The following RTN1 variants were observed in gnomAD, a reference collection of about 807,000 sequenced individuals.
RTN1 encodes reticulon 1.
RTN1 carries 25 observed loss-of-function variants against 65.5 expected under a neutral mutation model. The ratio of observed to expected loss-of-function variants is 0.38; its 90% CI spans 0.28 to 0.53. The LOEUF (loss-of-function observed/expected upper bound fraction) is 0.53, where lower values mean the gene tolerates loss of function less well. RTN1 is among the 20% of genes least tolerant of loss of function. The pLI, the probability that RTN1 is intolerant of heterozygous loss-of-function variation, is 0.79. For synonymous variants in RTN1, 471 were observed against 447.6 expected, an observed-to-expected ratio of 1.05 and a Z score of -0.66; for missense variants, 983 against 1,025.4, an observed-to-expected ratio of 0.96 and a Z score of 0.57.
intron 3 of RTN1, among the ~76,000 whole-genome samples, chr14:59,632,711 C>G (rs1037458783): frequency 2.0e-5 from 3 of 152,080 alleles, no homozygotes; most frequent in Non-Finnish European, 2.9e-5. Context: ...ACACAATGTT[C>G]CCAATAAGGA....
intron 3 of RTN1, among the ~76,000 whole-genome samples, chr14:59,723,971 G>A (rs1185711964): frequency 6.6e-6 from 1 of 152,216 alleles, no homozygotes; most frequent in Non-Finnish European, 1.5e-5. Flanking sequence ...TAACTATCCT[G>A]ATTAATCACA....
chr14:59,700,293 T>C (rs1243954054), intron 3 of RTN1, among the ~76,000 whole-genome samples: 2 of 152,148 alleles, frequency 1.3e-5, no homozygotes, highest in Non-Finnish European at 2.9e-5. Context: ...ATTGTTAAGA[T>C]GGCAGTACTC....
chr14:59,675,453 G>GC (rs1883606402), intron 3 of RTN1, among the ~76,000 whole-genome samples: 1 of 144,692 alleles, frequency 6.9e-6, no homozygotes, highest in South Asian at 2.2e-4. Context: ...TTGGGGGGGG[G>GC]GCGCTATAAT....
Position 59,749,376 on chromosome 14 carries a change from A to C in RTN1, c.242-2895T>G, listed in dbSNP as rs1171458702. On this transcript the variant is annotated intron_variant, in intron 1 of 8. Coordinates refer to ENST00000267484, the MANE Select transcript of RTN1 (RefSeq NM_021136.3). ...TATATATCTATATATATATCTATAT[A>C]TCTATATCTATATATATCTATATAT... Among the ~76,000 whole-genome samples the C allele has an allele frequency of 6.7e-4, 42 of 63,036 alleles. 6 individuals are homozygous for C. Among genetic ancestry groups the C allele is most frequent in the Non-Finnish European group, 1.0e-3 (41 of 40,798 alleles). 41.4% of individuals were successfully genotyped at this position (63,036 alleles called of 152,430 possible). A position where few individuals can be genotyped will look rare whatever the true frequency, so the allele number is the denominator to read the frequency against.
At chr14:59,709,624 C>T (rs1039958598) in intron 3 of RTN1, among the ~76,000 whole-genome samples, 3 of 152,114 alleles carry the variant, frequency 2.0e-5, no homozygotes, top group Non-Finnish European at 4.4e-5. Flanking sequence ...GAATCTTGCC[C>T]CCTGCCTTGT....
chr14:59,627,643 T>C (rs574836632), intron 3 of RTN1, among the ~76,000 whole-genome samples: 7 of 152,220 alleles, frequency 4.6e-5, no homozygotes, highest in Non-Finnish European at 8.8e-5. Context: ...AGAAGCAGAA[T>C]TGGTGTGATG....
intron 1 of RTN1, among the ~76,000 whole-genome samples, chr14:59,752,919 T>C (rs1190484017): frequency 6.6e-6 from 1 of 152,214 alleles, no homozygotes; most frequent in Admixed American, 6.5e-5. Context: ...AAGAGTATTC[T>C]GATCATGGTA....
In RTN1 at chr14:59,766,002, G is replaced by T. The variant is rs901451720; in HGVS notation, c.242-19521C>A. Among the ~76,000 whole-genome samples, 3 of 152,182 alleles carry T rather than the reference G, an allele frequency of 2.0e-5. No homozygotes were observed. Among genetic ancestry groups the T allele is most frequent in the Non-Finnish European group, 2.9e-5 (2 of 68,026 alleles). On this transcript the variant is annotated intron_variant, in intron 1 of 8. Coordinates refer to ENST00000267484, the MANE Select transcript of RTN1 (RefSeq NM_021136.3). The surrounding 1 kb of genome is among the most constrained non-coding windows in gnomAD (Gnocchi z 4.4). The stretch of plus-strand genomic sequence containing the variant: ...CCCAGCACTTTGGGAGGCCTAGGCG[G>T]GTGGATCACCTGAGGTCAGGGGTTC...
intron 3 of RTN1, among the ~76,000 whole-genome samples, chr14:59,704,657 T>C (rs1884252776): frequency 6.6e-6 from 1 of 152,044 alleles, no homozygotes. Context: ...TAAAAGGAAA[T>C]TGGAGAAACA....
chr14:59,648,816 C>T (rs138201251), intron 3 of RTN1, among the ~76,000 whole-genome samples: 160 of 152,302 alleles, frequency 1.1e-3, no homozygotes, highest in African/African-American at 3.7e-3. Flanking sequence ...TATGACTAAA[C>T]CACAGCCAAC....
chr14:59,745,355 G>T (rs181270484), intron 2 of RTN1, among the ~76,000 whole-genome samples: 1 of 152,268 alleles, frequency 6.6e-6, no homozygotes, highest in African/African-American at 2.4e-5. Flanking sequence ...CTAGCCGAAA[G>T]CTAACTGAGA....
intron 4 of RTN1, chr14:59,606,102 T>TTATATATATA (rs1566658026): frequency 5.8e-5 from 3 of 51,688 alleles, no homozygotes; most frequent in African/African-American, 3.4e-4. Context: ...GGGAAAAACA[T>TTATATATATA]GATATATATA....
intron 1 of RTN1, among the ~76,000 whole-genome samples, chr14:59,749,938 T>C (rs1407581499): frequency 9.0e-6 from 1 of 110,972 alleles, no homozygotes; most frequent in Non-Finnish European, 1.7e-5. Context: ...GGTTCAAATA[T>C]ATATATATTT....
chr14:59,630,332 T>C (rs1882510628), intron 3 of RTN1: 2 of 1,317,988 alleles, frequency 1.5e-6, no homozygotes, highest in Non-Finnish European at 1.1e-6. Flanking sequence ...AACACAAAGC[T>C]CTGGGGTATA....
intron 3 of RTN1, among the ~76,000 whole-genome samples, chr14:59,653,595 A>C (rs1475540289): frequency 6.6e-6 from 1 of 151,902 alleles, no homozygotes; most frequent in African/African-American, 2.4e-5. Context: ...ATAAGCAATA[A>C]AAATATAAGC....
chr14:59,870,436 C>A lies in RTN1; in HGVS notation c.195G>T (p.Ser65=). 6.6e-7 allele frequency: 1 copy of A among 1,517,314 alleles called. No homozygotes were observed. The highest frequency in any genetic ancestry group is 2.7e-5 in the East Asian group (1 of 36,598). The allele number at this position is 1,517,314 out of a possible 1,614,324, so 94.0% of individuals were successfully genotyped here. ...CAACGGGCGACTGCCGGGCGGGGCC[C>A]GAGCCGGCTTCCCGCGACGCCGCTT... ...AREAASREAG[S]GPARQSPVAM... The change falls in exon 1 of 9, where the codon TCG becomes TCT. Residue 65 remains serine (S), a synonymous_variant. Transcript: ENST00000267484. The surrounding 1 kb of genome is among the most constrained non-coding windows in gnomAD (Gnocchi z 5.1).
intron 1 of RTN1, among the ~76,000 whole-genome samples, chr14:59,832,491 G>A (rs1887142919): frequency 6.6e-6 from 1 of 152,148 alleles, no homozygotes; most frequent in African/African-American, 2.4e-5. Flanking sequence ...CCTTACAGCA[G>A]GCCAGAGGCC....
intron 3 of RTN1, among the ~76,000 whole-genome samples, chr14:59,608,809 T>C (rs1156425701): frequency 6.6e-6 from 1 of 152,150 alleles, no homozygotes; most frequent in Non-Finnish European, 1.5e-5. Flanking sequence ...ATGTAGGAAA[T>C]AGAGAAGAGG....
intron 3 of RTN1, among the ~76,000 whole-genome samples, chr14:59,645,602 C>G (rs751983705): frequency 6.6e-6 from 1 of 152,226 alleles, no homozygotes; most frequent in Non-Finnish European, 1.5e-5. Context: ...GGGTTGCCAT[C>G]TTTGCTGTCT....
Sources: allele counts gnomAD v4.1 joint callset (sites outside exome capture counted in the v4.1 genomes callset), GRCh38; gene constraint gnomAD v4.1.1; non-coding constraint Gnocchi (gnomAD v3.1); transcripts MANE v1.5; gene names NCBI Gene and HGNC (gene_info 2026-07-23, HGNC 2026-07-21).